The following FRMD4A variants were observed in gnomAD, a reference collection of about 807,000 sequenced individuals.
The protein encoded by FRMD4A is FERM domain-containing protein 4A.
In FRMD4A, 29 loss-of-function variants were observed where a neutral mutation model predicts 129.1. The ratio of observed to expected loss-of-function variants is 0.22; its 90% CI spans 0.17 to 0.31. The LOEUF is 0.31. FRMD4A is among the 10% of genes least tolerant of loss of function. The pLI is 1.00. For missense variants in FRMD4A, 1,272 were observed against 1,375.8 expected, an observed-to-expected ratio of 0.92 and a Z score of 1.19; for synonymous variants, 634 against 571.6, an observed-to-expected ratio of 1.11 and a Z score of -1.56.
At chr10:13,865,702 C>T (rs1346689192) in intron 2 of FRMD4A, among the ~76,000 whole-genome samples, 3 of 152,082 alleles carry the variant, frequency 2.0e-5, no homozygotes, top group Non-Finnish European at 4.4e-5. Flanking sequence ...TCCCAAAGTG[C>T]TGGGATTACA....
chr10:14,019,762 G>A (rs922521009), intron 2 of FRMD4A, among the ~76,000 whole-genome samples: 2 of 152,260 alleles, frequency 1.3e-5, no homozygotes, highest in Admixed American at 6.5e-5. Flanking sequence ...CCCATGCAAT[G>A]TCAGTAGCAG....
rs942463106 is a variant in FRMD4A, at chr10:13,654,636, G to C, written c.2954-124C>G. 5.4e-5 allele frequency: 35 copies of C among 649,240 alleles called. No homozygotes were observed. In the African/African-American group the frequency reaches 6.0e-4, roughly 11 times the overall value. 40.2% of individuals were successfully genotyped at this position (649,240 alleles called of 1,614,324 possible). A position where few individuals can be genotyped will look rare whatever the true frequency, so the allele number is the denominator to read the frequency against. On this transcript the variant is annotated intron_variant, in intron 22 of 24. Coordinates refer to ENST00000357447, the MANE Select transcript of FRMD4A (RefSeq NM_018027.5). ...AGGTCACCATTTCCAGGGATGCTGGGAAGGACCCCAGAGCAGGGTCTCAGC... is the reference window on the plus strand; with the variant it reads ...AGGTCACCATTTCCAGGGATGCTGGCAAGGACCCCAGAGCAGGGTCTCAGC...
At chr10:13,820,554 A>G (rs943078669) in intron 3 of FRMD4A, among the ~76,000 whole-genome samples, 2 of 152,192 alleles carry the variant, frequency 1.3e-5, no homozygotes, top group African/African-American at 2.4e-5. Context: ...AAAAAAAAAA[A>G]AAAAATTCAA....
intron 2 of FRMD4A, among the ~76,000 whole-genome samples, chr10:13,914,283 T>A (rs1881579): frequency 6.6e-6 from 1 of 152,238 alleles, no homozygotes; most frequent in Non-Finnish European, 1.5e-5. Context: ...AGACTTCTAA[T>A]GGGTAAAATA....
At chr10:13,972,363 G>A in intron 2 of FRMD4A, 1 of 974,966 alleles carries the variant, frequency 1.0e-6, no homozygotes, top group Non-Finnish European at 1.2e-6. Flanking sequence ...AGCAGCACTG[G>A]AGAAATTGCT....
At chr10:13,833,477 A>G (rs2093822430) in intron 3 of FRMD4A, among the ~76,000 whole-genome samples, 1 of 152,154 alleles carries the variant, frequency 6.6e-6, no homozygotes, top group African/African-American at 2.4e-5. Flanking sequence ...ACACAGCCAA[A>G]CCATATCACC....
intron 2 of FRMD4A, among the ~76,000 whole-genome samples, chr10:14,148,472 C>G (rs907735878): frequency 6.6e-6 from 1 of 152,164 alleles, no homozygotes; most frequent in African/African-American, 2.4e-5. Flanking sequence ...GTTTAAGAAA[C>G]AATGAGAATG....
intron 3 of FRMD4A, among the ~76,000 whole-genome samples, chr10:13,836,004 G>A (rs1288241856): frequency 1.0e-5 from 1 of 99,256 alleles, no homozygotes; most frequent in East Asian, 3.3e-4. Flanking sequence ...GAGAATTCAA[G>A]ATTTTGTTTT....
chr10:14,263,876 G>C (rs1844889721), intron 2 of FRMD4A, among the ~76,000 whole-genome samples: 1 of 152,196 alleles, frequency 6.6e-6, no homozygotes, highest in Non-Finnish European at 1.5e-5. Flanking sequence ...GCATCACAGA[G>C]GAAGGCATTT....
At chr10:14,163,097 C>A (rs1840991891) in intron 2 of FRMD4A, among the ~76,000 whole-genome samples, 3 of 152,082 alleles carry the variant, frequency 2.0e-5, no homozygotes, top group Admixed American at 1.3e-4. Flanking sequence ...TATTTGAGTT[C>A]TCAATGCTAA....
intron 12 of FRMD4A, chr10:13,707,767 C>G (rs767913018): frequency 9.1e-6 from 9 of 985,396 alleles, no homozygotes; most frequent in Non-Finnish European, 1.1e-5. Flanking sequence ...CAAAGAAAAC[C>G]AAGAGTTCTG....
chr10:14,018,984 C>T (rs1018338514), intron 2 of FRMD4A, among the ~76,000 whole-genome samples: 1 of 152,096 alleles, frequency 6.6e-6, no homozygotes, highest in Admixed American at 6.5e-5. Context: ...GGCAGACATT[C>T]AATAACACGC....
At chr10:14,079,231 G>C (rs1342054049) in intron 2 of FRMD4A, among the ~76,000 whole-genome samples, 2 of 152,120 alleles carry the variant, frequency 1.3e-5, no homozygotes, top group Admixed American at 6.5e-5. Context: ...GTGGAAAATG[G>C]CCAAACTGGG....
chr10:14,235,277 G>C (rs1473233089), intron 2 of FRMD4A, among the ~76,000 whole-genome samples: 1 of 124,058 alleles, frequency 8.1e-6, no homozygotes, highest in Non-Finnish European at 1.8e-5. Context: ...AGCCTCCCGA[G>C]CAGCTGAGTC....
intron 15 of FRMD4A, among the ~76,000 whole-genome samples, chr10:13,687,981 G>A (rs1431029534): frequency 6.6e-6 from 1 of 152,052 alleles, no homozygotes; most frequent in Admixed American, 6.5e-5. Context: ...GTCTCACAGG[G>A]GACAGCTCTG....
At chr10:14,034,204 T>C (rs1006440606) in intron 2 of FRMD4A, among the ~76,000 whole-genome samples, 1 of 152,190 alleles carries the variant, frequency 6.6e-6, no homozygotes, top group African/African-American at 2.4e-5. Context: ...AGATGTTCAT[T>C]AAGCGCATTT....
At chr10:13,769,955 A>G (rs1025314564) in intron 6 of FRMD4A, among the ~76,000 whole-genome samples, 1 of 152,102 alleles carries the variant, frequency 6.6e-6, no homozygotes, top group African/African-American at 2.4e-5. Flanking sequence ...CAGCTTGCAG[A>G]CAGCAGACTG....
chr10:14,277,677 A>G lies in FRMD4A; in HGVS notation c.45+52381T>C, dbSNP rs932140702. On this transcript the variant is annotated intron_variant, in intron 2 of 24. Coordinates refer to ENST00000357447, the MANE Select transcript of FRMD4A (RefSeq NM_018027.5). ...AACATAAGCACCTCAGTGAACCTTG[A>G]GGCAACGCCTCCCCACAGTTACTTT... Among the ~76,000 whole-genome samples, 13 of 152,332 alleles carry G rather than the reference A, an allele frequency of 8.5e-5. 1 individual carries two copies. Among genetic ancestry groups the G allele is most frequent in the South Asian group, 2.1e-4 (1 of 4,820 alleles).
intron 2 of FRMD4A, among the ~76,000 whole-genome samples, chr10:14,142,504 T>C (rs1332967347): frequency 6.6e-6 from 1 of 152,226 alleles, no homozygotes; most frequent in Non-Finnish European, 1.5e-5. Context: ...TACGCTTGCA[T>C]CCTGAATTGG....
Sources: allele counts gnomAD v4.1 joint callset (sites outside exome capture counted in the v4.1 genomes callset), GRCh38; gene constraint gnomAD v4.1.1; transcripts MANE v1.5; gene names NCBI Gene and HGNC (gene_info 2026-07-23, HGNC 2026-07-21).